The following ZBTB38 variants were observed in gnomAD, a reference collection of about 807,000 sequenced individuals.
ZBTB38 encodes the protein zinc finger and BTB domain-containing protein 38.
A neutral mutation model predicts 76.8 loss-of-function variants in ZBTB38; 20 were observed. That is an observed-to-expected ratio of 0.26 (90% CI 0.18 to 0.38). ZBTB38 has a LOEUF of 0.38. Among genes scored for constraint, ZBTB38 ranks in the 10% least tolerant of loss-of-function variants. The pLI is 1.00. For synonymous variants in ZBTB38, 504 were observed against 544.2 expected (o/e 0.93, Z 1.03); for missense variants, 1,082 against 1,482.3 (o/e 0.73, Z 4.43).
intron 1 of ZBTB38, among the ~76,000 whole-genome samples, chr3:141,346,782 T>TTTTGTGTGTGTGTG (rs150173767): frequency 0.12 from 17,841 of 144,528 alleles, 1,506 homozygotes; most frequent in Non-Finnish European, 0.19. Context: ...TTGTTTTGTT[T>TTTTGTGTGTGTGTG]TGTGTGTGTG....
At chr3:141,379,399 C>A (rs146885755) in intron 2 of ZBTB38, among the ~76,000 whole-genome samples, 2 of 152,162 alleles carry the variant, frequency 1.3e-5, no homozygotes, top group Non-Finnish European at 2.9e-5. Context: ...GAAGTCTATG[C>A]GGCATCCTGT....
intron 5 of ZBTB38, among the ~76,000 whole-genome samples, chr3:141,415,627 A>G (rs1338624639): frequency 6.6e-6 from 1 of 152,220 alleles, no homozygotes. Flanking sequence ...ACAGACTGAC[A>G]TAGAGATTGG....
intron 1 of ZBTB38, among the ~76,000 whole-genome samples, chr3:141,349,406 G>A (rs1046883922): frequency 1.3e-5 from 2 of 152,076 alleles, no homozygotes; most frequent in South Asian, 2.1e-4. Flanking sequence ...GCAGTTAACC[G>A]CTAAATCACC....
In ZBTB38 at chr3:141,444,599, C is replaced by A; in HGVS notation, c.2211C>A (p.Thr737=). 6.2e-7 allele frequency: 1 copy of A among 1,614,142 alleles called. No individual in the cohort carries two copies. Among genetic ancestry groups the A allele is most frequent in the Non-Finnish European group, 8.5e-7 (1 of 1,180,030 alleles). The part of the protein sequence containing the change: ...IMHSNAIAAM[T]SSNHRAFSDP... Reference sequence around the variant, plus strand: ...ACAGCAATGCCATTGCTGCCATGACCAGCAGCAACCACAGAGCCTTTTCAG... The same window carrying A: ...ACAGCAATGCCATTGCTGCCATGACAAGCAGCAACCACAGAGCCTTTTCAG... The change falls in exon 6 of 6, where the codon ACC becomes ACA. Residue 737 remains threonine, a synonymous_variant. Coordinates refer to ENST00000321464, the MANE Select transcript of ZBTB38 (RefSeq NM_001376113.1). The surrounding 1 kb of genome is among the most constrained non-coding windows in gnomAD (Gnocchi z 5.1).
At chr3:141,344,845 A>T (rs1403139582) in intron 1 of ZBTB38, among the ~76,000 whole-genome samples, 2 of 152,254 alleles carry the variant, frequency 1.3e-5, no homozygotes, top group African/African-American at 4.8e-5. Flanking sequence ...CATAATCTTA[A>T]TCACATCTGC....
intron 1 of ZBTB38, among the ~76,000 whole-genome samples, chr3:141,328,970 C>T (rs1942760169): frequency 6.6e-6 from 1 of 152,210 alleles, no homozygotes. Context: ...TGAGTGCTCC[C>T]ATAGGTGCTC....
intron 1 of ZBTB38, among the ~76,000 whole-genome samples, chr3:141,360,731 TG>T (rs1175779142): frequency 2.6e-5 from 4 of 151,986 alleles, no homozygotes; most frequent in Non-Finnish European, 5.9e-5. Flanking sequence ...ATAGTTGTGT[TG>T]GGGTCGGGGG....
chr3:141,444,862 C>T lies in ZBTB38; in HGVS notation c.2474C>T (p.Pro825Leu). The stretch of plus-strand genomic sequence containing the variant: ...ACCTACATTGCAAAACCTGCTCTGC[C>T]GGGAACCTCCACAAATAGTAATGTT... ...IETYIAKPALPGTSTNSNVAP... is the reference protein window; with the variant it reads ...IETYIAKPALLGTSTNSNVAP... Residue 825 changes from proline to leucine, a missense_variant, in exon 6 of 6, where the codon CCG becomes CTG. Transcript: ENST00000321464. This position sits in a 1 kb window ranked among gnomAD's most constrained non-coding sequence, Gnocchi z 5.1. 2 of 1,614,100 alleles carry T rather than the reference C, an allele frequency of 1.2e-6. No homozygotes were observed. The highest frequency in any genetic ancestry group is 1.7e-6 in the Non-Finnish European group (2 of 1,180,034).
At chr3:141,351,678 C>G (rs555137840) in intron 1 of ZBTB38, among the ~76,000 whole-genome samples, 55 of 145,796 alleles carry the variant, frequency 3.8e-4, no homozygotes, top group African/African-American at 1.4e-3. Flanking sequence ...TGTAATCATT[C>G]CACTGCACTC....
At chr3:141,429,152 A>G (rs1457065487) in intron 5 of ZBTB38, among the ~76,000 whole-genome samples, 1 of 152,152 alleles carries the variant, frequency 6.6e-6, no homozygotes, top group Admixed American at 6.5e-5. Flanking sequence ...TGTATGCAGT[A>G]TATTGGAATG....
intron 5 of ZBTB38, among the ~76,000 whole-genome samples, chr3:141,427,216 G>T (rs2076573927): frequency 6.6e-6 from 1 of 152,176 alleles, no homozygotes; most frequent in Non-Finnish European, 1.5e-5. Flanking sequence ...AGGGCTGAGT[G>T]CTAGGAAAAC....
chr3:141,413,756 GTTAAGTACCCC>G lies in ZBTB38; in HGVS notation c.-1+9728_-1+9738del, dbSNP rs2073228082. On this transcript the variant is annotated intron_variant, in intron 5 of 5. Coordinates refer to ENST00000321464, the MANE Select transcript of ZBTB38 (RefSeq NM_001376113.1). The surrounding 1 kb of genome is among the most constrained non-coding windows in gnomAD (Gnocchi z 4.1). ...TGATTTCATGAAATGCTTATTAGGAGTTAAGTACCCCTTTTTCTTGAAGCTTGAACAGACTT... is the reference window on the plus strand; with the variant it reads ...TGATTTCATGAAATGCTTATTAGGAGTTTTTCTTGAAGCTTGAACAGACTT... 6.6e-6 allele frequency among the ~76,000 whole-genome samples: 1 copy of G among 152,198 alleles called. No homozygotes were observed. The highest frequency in any genetic ancestry group is 2.4e-5 in the African/African-American group (1 of 41,424).
rs367901395 is a variant in ZBTB38 at position 141,359,866 on chromosome 3, G to A, written c.-738-8755G>A. On this transcript the variant is annotated intron_variant, in intron 1 of 7. Coordinates refer to the ZBTB38 transcript ENST00000509842. ...GGATTGCTTGAGCCCTGAAGGTTGA[G>A]GTTGGAGTGAGCCATGATCACACCA... Among the ~76,000 whole-genome samples, 605 of 152,260 alleles carry A rather than the reference G, an allele frequency of 4.0e-3. 2 individuals are homozygous for A. Among genetic ancestry groups the A allele is most frequent in the African/African-American group, 0.011 (472 of 41,550 alleles).
intron 2 of ZBTB38, among the ~76,000 whole-genome samples, chr3:141,377,263 G>A (rs1185108411): frequency 3.3e-5 from 5 of 152,178 alleles, no homozygotes; most frequent in African/African-American, 9.7e-5. Flanking sequence ...ATTTTCCATC[G>A]CCTAAGTGCC....
rs376964666 is a variant in ZBTB38 at position 141,443,019 on chromosome 3, G to A, written c.631G>A (p.Glu211Lys). ...LCLERTDVCH[E>K]AEPVRTLAEH... ...CCTGGAGAGGACGGACGTCTGCCAC[G>A]AGGCAGAGCCTGTCCGCACACTTGC... Residue 211 changes from glutamate (E) to lysine (K), a missense_variant, in exon 6 of 6, where the codon GAG (glutamate) becomes AAG (lysine). Glu to Lys is a moderately conservative substitution (Grantham distance 56). Transcript: ENST00000321464. The surrounding 1 kb of genome is among the most constrained non-coding windows in gnomAD (Gnocchi z 5.6). 23 of 1,614,244 alleles carry A rather than the reference G, an allele frequency of 1.4e-5. No homozygotes were observed. The highest frequency in any genetic ancestry group is 1.9e-5 in the Non-Finnish European group (23 of 1,180,048).
At chr3:141,376,820 A>G (rs1047294751) in intron 2 of ZBTB38, among the ~76,000 whole-genome samples, 2 of 152,306 alleles carry the variant, frequency 1.3e-5, no homozygotes, top group Middle Eastern at 3.4e-3. Context: ...CAAGGTGTCC[A>G]CATGCTGCTG....
chr3:141,384,776 G>A (rs1227823977), intron 3 of ZBTB38: 1 of 152,282 alleles, frequency 6.6e-6, no homozygotes, highest in Admixed American at 6.5e-5. Flanking sequence ...ATTGGTGTGA[G>A]ACCAGGAGCT....
intron 1 of ZBTB38, among the ~76,000 whole-genome samples, chr3:141,352,909 T>G (rs1943560399): frequency 6.6e-6 from 1 of 152,018 alleles, no homozygotes. Context: ...AAATTGAAGG[T>G]AACATAAGAA....
chr3:141,414,216 C>A (rs1273782603), intron 5 of ZBTB38, among the ~76,000 whole-genome samples: 1 of 152,178 alleles, frequency 6.6e-6, no homozygotes, highest in Admixed American at 6.5e-5. Context: ...TAGATTGTGG[C>A]AAACTGGAGG....
Sources: gnomAD v4.1 joint callset for allele counts (sites outside exome capture counted in the v4.1 genomes callset) on GRCh38, gnomAD v4.1.1 for gene constraint, Gnocchi (gnomAD v3.1) non-coding constraint, MANE v1.5 for transcripts, NCBI Gene and HGNC (gene_info 2026-07-23, HGNC 2026-07-21) for gene names.